FOXO1: variants seen among roughly 807,000 people sequenced by gnomAD.
The protein encoded by FOXO1 is forkhead box O1.
FOXO1 carries 6 observed loss-of-function variants against 44.1 expected under a neutral mutation model. The ratio of observed to expected loss-of-function variants is 0.14; its 90% confidence interval spans 0.07 to 0.27. The LOEUF is 0.27. Among genes scored for constraint, FOXO1 ranks in the 10% least tolerant of loss-of-function variants. FOXO1 has a pLI of 1.00. For synonymous variants in FOXO1, 380 were observed against 362.7 expected, an observed-to-expected ratio of 1.05 and a Z score of -0.54; for missense variants, 737 against 888.8, an observed-to-expected ratio of 0.83 and a Z score of 2.17.
intron 1 of FOXO1, among the ~76,000 whole-genome samples, chr13:40,597,804 G>T (rs928705447): frequency 6.6e-6 from 1 of 152,160 alleles, no homozygotes; most frequent in African/African-American, 2.4e-5. Flanking sequence ...AGCTCAAAGG[G>T]CCTTTTCAAA....
chr13:40,581,108 C>G (rs1172609231), intron 1 of FOXO1, among the ~76,000 whole-genome samples: 2 of 152,168 alleles, frequency 1.3e-5, no homozygotes, highest in African/African-American at 4.8e-5. Flanking sequence ...ACAGAAAGAG[C>G]TTTAGACTTT....
At chr13:40,581,239 G>A (rs1057432422) in intron 1 of FOXO1, among the ~76,000 whole-genome samples, 2 of 152,126 alleles carry the variant, frequency 1.3e-5, no homozygotes, top group African/African-American at 2.4e-5. Context: ...AAAGGGGAGC[G>A]AGCACAAACA....
chr13:40,640,912 T>C (rs896283635), intron 1 of FOXO1, among the ~76,000 whole-genome samples: 5 of 152,098 alleles, frequency 3.3e-5, no homozygotes, highest in Non-Finnish European at 5.9e-5. Flanking sequence ...GCCTCCCAAG[T>C]AGCTGCGATT....
intron 1 of FOXO1, among the ~76,000 whole-genome samples, chr13:40,592,691 A>G (rs1037477279): frequency 2.0e-5 from 3 of 152,202 alleles, no homozygotes; most frequent in Non-Finnish European, 2.9e-5. Context: ...CAGTCAGGAA[A>G]CCAGACTTTT....
intron 1 of FOXO1, among the ~76,000 whole-genome samples, chr13:40,660,155 G>C (rs1274000640): frequency 6.6e-6 from 1 of 152,194 alleles, no homozygotes; most frequent in African/African-American, 2.4e-5. Context: ...TTGGTTATAT[G>C]ACCCCAGGGA....
intron 1 of FOXO1, among the ~76,000 whole-genome samples, chr13:40,606,769 C>T (rs1876016363): frequency 6.6e-6 from 1 of 152,190 alleles, no homozygotes; most frequent in Non-Finnish European, 1.5e-5. Context: ...TGCCCCTCTG[C>T]TGTCCCTCCA....
At chr13:40,622,375 A>G (rs979964762) in intron 1 of FOXO1, among the ~76,000 whole-genome samples, 35 of 152,230 alleles carry the variant, frequency 2.3e-4, no homozygotes, top group African/African-American at 8.4e-4. Context: ...ATTTCTACCA[A>G]TAAACATTAA....
At chr13:40,578,343 C>G (rs1345921266) in intron 1 of FOXO1, among the ~76,000 whole-genome samples, 1 of 152,180 alleles carries the variant, frequency 6.6e-6, no homozygotes, top group East Asian at 1.9e-4. Context: ...AATGCTGATC[C>G]TGTAGATTGA....
At position 40,622,151 on chromosome 13, in the gene FOXO1, T is replaced by A. The variant is rs753006807; in HGVS notation, c.630+43432A>T. Among the ~76,000 whole-genome samples the A allele has an allele frequency of 1.9e-4, 29 of 152,228 alleles. 1 individual carries two copies. The highest frequency in any genetic ancestry group is 3.5e-4 in the Non-Finnish European group (24 of 68,036). On this transcript the variant is annotated intron_variant, in intron 1 of 2. Coordinates refer to ENST00000379561, the MANE Select transcript of FOXO1 (RefSeq NM_002015.4). ...ACTTGTGTTCAGCCTTTCTGTAACT[T>A]TTTTGAAAGTGCAAACAATTCTTTG...
intron 1 of FOXO1, among the ~76,000 whole-genome samples, chr13:40,589,064 C>T (rs569867085): frequency 4.6e-5 from 7 of 152,104 alleles, no homozygotes; most frequent in Admixed American, 3.3e-4. Context: ...TGAGATCGAA[C>T]GACTGCATTC....
intron 1 of FOXO1, among the ~76,000 whole-genome samples, chr13:40,598,582 A>C (rs914218547): frequency 3.9e-5 from 6 of 152,192 alleles, no homozygotes; most frequent in African/African-American, 1.4e-4. Context: ...GAATATTTAC[A>C]TATATGTGGT....
At chr13:40,654,362 C>T (rs1173186082) in intron 1 of FOXO1, among the ~76,000 whole-genome samples, 1 of 128,700 alleles carries the variant, frequency 7.8e-6, no homozygotes, top group Non-Finnish European at 1.6e-5. Flanking sequence ...ATTAGCCAGG[C>T]GTGGTGGTGG....
chr13:40,636,510 T>C (rs983977696), intron 1 of FOXO1, among the ~76,000 whole-genome samples: 1 of 144,678 alleles, frequency 6.9e-6, no homozygotes, highest in Non-Finnish European at 1.5e-5. Context: ...TTTCTATTTT[T>C]CAAAAACTTT....
chr13:40,592,521 C>T (rs1404212651), intron 1 of FOXO1, among the ~76,000 whole-genome samples: 1 of 152,220 alleles, frequency 6.6e-6, no homozygotes, highest in Non-Finnish European at 1.5e-5. Flanking sequence ...CTGATTACTA[C>T]ATTCCTCCCA....
intron 1 of FOXO1, among the ~76,000 whole-genome samples, chr13:40,661,275 TTTC>T (rs1878027860): frequency 6.6e-6 from 1 of 151,664 alleles, no homozygotes; most frequent in Non-Finnish European, 1.5e-5. Flanking sequence ...TTATCAAGGC[TTTC>T]TTCTTTTTTT....
At chr13:40,589,717 C>T (rs1460879116) in intron 1 of FOXO1, among the ~76,000 whole-genome samples, 2 of 152,230 alleles carry the variant, frequency 1.3e-5, no homozygotes, top group African/African-American at 2.4e-5. Context: ...ACCACAGTAA[C>T]TTTCTGGAAG....
intron 1 of FOXO1, among the ~76,000 whole-genome samples, chr13:40,582,673 G>A (rs553095387): frequency 1.3e-5 from 2 of 152,174 alleles, no homozygotes; most frequent in African/African-American, 4.8e-5. Context: ...GTCCTCATGA[G>A]TTCAAGTTTT....
In FOXO1 at chr13:40,653,653, C is replaced by T. The variant is rs145049956; in HGVS notation, c.630+11930G>A. 1.4e-3 allele frequency among the ~76,000 whole-genome samples: 216 copies of T among 152,300 alleles called. No homozygotes were observed. In the Middle Eastern group the frequency reaches 0.017, roughly 12 times the overall value. ...ATAAGACTTAGGAGGATTAATCATG[C>T]GCATTGGCTTTTTTACTGCAGTTAC... On this transcript the variant is annotated intron_variant, in intron 1 of 2. Coordinates refer to ENST00000379561, the MANE Select transcript of FOXO1 (RefSeq NM_002015.4).
intron 1 of FOXO1, among the ~76,000 whole-genome samples, chr13:40,634,703 G>A (rs558307849): frequency 1.1e-3 from 169 of 150,652 alleles, no homozygotes; most frequent in African/African-American, 3.0e-3. Context: ...TTTTTTAGAC[G>A]GAGTCTTGCT....
Sources: gnomAD v4.1 joint callset for allele counts (sites outside exome capture counted in the v4.1 genomes callset) on GRCh38, gnomAD v4.1.1 for gene constraint, MANE v1.5 for transcripts, NCBI Gene and HGNC (gene_info 2026-07-23, HGNC 2026-07-21) for gene names.